EZR: variants seen among roughly 807,000 people sequenced by gnomAD.
EZR encodes the protein ezrin, also known as cytovillin 2.
In EZR, 40 loss-of-function variants were observed where a neutral mutation model predicts 74.8. The ratio of observed to expected loss-of-function variants is 0.53; its 90% CI spans 0.42 to 0.70. EZR has a LOEUF of 0.70. Among genes scored for constraint, EZR ranks in the 30% least tolerant of loss-of-function variants. The probability of loss-of-function intolerance (pLI) is 0.00; values close to 1 mark genes in which losing one functional copy is unlikely to be tolerated. For missense variants in EZR, 678 were observed against 755.8 expected, an observed-to-expected ratio of 0.90 and a Z score of 1.21; for synonymous variants, 341 against 283.3, an observed-to-expected ratio of 1.20 and a Z score of -2.05.
At chr6:158,801,865 G>A (rs374629142) in intron 2 of EZR, among the ~76,000 whole-genome samples, 1 of 152,226 alleles carries the variant, frequency 6.6e-6, no homozygotes, top group Non-Finnish European at 1.5e-5. Context: ...GCAGAGTTCC[G>A]AGTACAGACC....
chr6:158,799,750 G>A (rs1440211061), intron 2 of EZR, among the ~76,000 whole-genome samples: 3 of 152,222 alleles, frequency 2.0e-5, no homozygotes, highest in Non-Finnish European at 2.9e-5. Context: ...ACTCTAATTC[G>A]GTCAAGGCAG....
At chr6:158,814,874 CAGTATT>C (rs1234131020) in intron 2 of EZR, among the ~76,000 whole-genome samples, 1 of 152,098 alleles carries the variant, frequency 6.6e-6, no homozygotes, top group Non-Finnish European at 1.5e-5. Context: ...TTTTGGGAAA[CAGTATT>C]AGGAGAAAAC....
chr6:158,785,418 CAG>C lies in EZR; in HGVS notation c.356_357del (p.Pro119ArgfsTer31). 1 of 1,614,202 alleles carries C rather than the reference CAG, an allele frequency of 6.2e-7. No individual in the cohort carries two copies. The highest frequency in any genetic ancestry group is 8.5e-7 in the Non-Finnish European group (1 of 1,180,024). On this transcript the variant is annotated frameshift_variant, in exon 5 of 14. Transcript: ENST00000367075. LOFTEE classifies it high-confidence loss of function. Reference protein sequence around the residue: ...GILSDEIYCPPETAVLLGSYA... With the variant: ...GILSDEIYCPXETAVLLGSYA... ...TAGGACCCCAAGAGCACGGCAGTCT[CAG>C]GGGGGCAGTAGATCTCATCGCTAAG...
chr6:158,773,645 T>C (rs185948580), intron 8 of EZR, among the ~76,000 whole-genome samples: 9 of 152,100 alleles, frequency 5.9e-5, no homozygotes, highest in Admixed American at 5.9e-4. Flanking sequence ...GCCAGGAAAC[T>C]CTCCCACAAG....
chr6:158,789,362 G>A lies in EZR; in HGVS notation c.22C>T (p.Arg8Ter). The A allele has an allele frequency of 6.2e-7, 1 of 1,613,872 alleles. No individual in the cohort carries two copies. The highest frequency in any genetic ancestry group is 8.5e-7 in the Non-Finnish European group (1 of 1,179,764). Reference sequence around the variant, plus strand: ...AGCTCTGCATCCATGGTGGTAACTCGGACATTGATCTGAAAAACAGAATGA... The same window carrying A: ...AGCTCTGCATCCATGGTGGTAACTCAGACATTGATCTGAAAAACAGAATGA... Reference protein sequence around the residue: MPKPINVRVTTMDAELEF... With the variant: MPKPINV Residue 8 changes from arginine to a stop codon, truncating the protein, a stop_gained, in exon 3 of 14, where the codon CGA (arginine) becomes TGA (stop). Transcript: ENST00000367075. LOFTEE classifies it high-confidence loss of function.
chr6:158,794,236 C>T (rs897466601), intron 2 of EZR, among the ~76,000 whole-genome samples: 35 of 152,176 alleles, frequency 2.3e-4, no homozygotes, highest in African/African-American at 7.2e-4. Context: ...AGCAAGATCG[C>T]GCCACTGCAC....
intron 8 of EZR, among the ~76,000 whole-genome samples, chr6:158,775,712 C>T (rs1013384229): frequency 1.3e-5 from 2 of 152,176 alleles, no homozygotes; most frequent in Admixed American, 6.5e-5. Flanking sequence ...AAATCCTTAC[C>T]CATTCTACAA....
At chr6:158,797,762 T>C (rs1777103802) in intron 2 of EZR, among the ~76,000 whole-genome samples, 1 of 152,256 alleles carries the variant, frequency 6.6e-6, no homozygotes, top group Non-Finnish European at 1.5e-5. Flanking sequence ...AATTGGGTAA[T>C]TATAGAGACA....
chr6:158,818,039 G>A (rs1445723417), intron 2 of EZR, 43 bp downstream of exon 2: 8 of 1,600,712 alleles, frequency 5.0e-6, no homozygotes, highest in Non-Finnish European at 6.8e-6. Flanking sequence ...CCTCTCCAAT[G>A]AAGCCTCTCC....
At chr6:158,793,541 G>A (rs530664989) in intron 2 of EZR, among the ~76,000 whole-genome samples, 1 of 152,298 alleles carries the variant, frequency 6.6e-6, no homozygotes, top group African/African-American at 2.4e-5. Context: ...GGGCATGTCT[G>A]TTACTTGATT....
intron 2 of EZR, among the ~76,000 whole-genome samples, chr6:158,790,582 G>A (rs761058196): frequency 7.5e-4 from 114 of 152,336 alleles, no homozygotes; most frequent in Middle Eastern, 6.8e-3. Context: ...GCTGAGGCAG[G>A]AGAATCGCTT....
At chr6:158,784,623 A>G (rs749635947) in intron 6 of EZR, 21 bp downstream of exon 6, 41 of 1,609,826 alleles carry the variant, frequency 2.5e-5, no homozygotes, top group Non-Finnish European at 3.3e-5. Flanking sequence ...CAAGATCCCA[A>G]CAGCAGGGCA....
In EZR at chr6:158,772,300, C is replaced by T. The variant is rs568327399; in HGVS notation, c.796-893G>A. ...CCAGCTCGTGCAGCACAGACAGCCA[C>T]GTGCGAGCTCCACAGCCTTGAGCAC... On this transcript the variant is annotated intron_variant, in intron 8 of 13. Coordinates refer to ENST00000367075, the MANE Select transcript of EZR (RefSeq NM_001111077.2). Among the ~76,000 whole-genome samples, 23 of 152,378 alleles carry T rather than the reference C, an allele frequency of 1.5e-4. 1 individual carries two copies. The highest frequency in any genetic ancestry group is 5.3e-4 in the African/African-American group (22 of 41,580).
At chr6:158,793,715 C>T (rs1791801756) in intron 2 of EZR, among the ~76,000 whole-genome samples, 1 of 152,162 alleles carries the variant, frequency 6.6e-6, no homozygotes, top group Non-Finnish European at 1.5e-5. Context: ...AAAGCAACCC[C>T]ATCCACACAC....
chr6:158,809,315 T>C (rs996023058), intron 2 of EZR, among the ~76,000 whole-genome samples: 1 of 152,190 alleles, frequency 6.6e-6, no homozygotes, highest in African/African-American at 2.4e-5. Flanking sequence ...ATACAGACTA[T>C]AGTAGATCAA....
At chr6:158,801,904 G>A (rs1428936112) in intron 2 of EZR, among the ~76,000 whole-genome samples, 1 of 152,204 alleles carries the variant, frequency 6.6e-6, no homozygotes, top group East Asian at 1.9e-4. Context: ...ACGTCCTGGG[G>A]CCCATGATGG....
At position 158,785,540 on chromosome 6, in the gene EZR, T is replaced by C; in HGVS notation, c.236A>G (p.Lys79Arg). Reference sequence around the variant, plus strand: ...TTCAGGGTAGAACTTGGCCCGGAACTTGAACTGGAGGGGATTCTCCTTCCT... The same window carrying C: ...TTCAGGGTAGAACTTGGCCCGGAACCTGAACTGGAGGGGATTCTCCTTCCT... ...EVRKENPLQF[K>R]FRAKFYPEDV... Residue 79 changes from lysine (K) to arginine (R), a missense_variant, in exon 5 of 14, where the codon AAG becomes AGG. Transcript: ENST00000367075. 2 of 1,614,140 alleles carry C rather than the reference T, an allele frequency of 1.2e-6. No individual in the cohort carries two copies. The highest frequency in any genetic ancestry group is 2.2e-5 in the South Asian group (2 of 91,074).
chr6:158,784,852 T>C (rs1583568300), intron 5 of EZR, 125 bp from the exon 6 acceptor site: 2 of 748,086 alleles, frequency 2.7e-6, no homozygotes, highest in East Asian at 5.4e-5. Flanking sequence ...CAAAGAGCTT[T>C]GGTTTCTATT....
chr6:158,778,253 C>T (rs1463220882), intron 7 of EZR, among the ~76,000 whole-genome samples: 1 of 152,110 alleles, frequency 6.6e-6, no homozygotes, highest in African/African-American at 2.4e-5. Flanking sequence ...GCTGGGATCC[C>T]CTCTCCGGCT....
Sources: gnomAD v4.1 joint callset for allele counts (sites outside exome capture counted in the v4.1 genomes callset) on GRCh38, gnomAD v4.1.1 for gene constraint, MANE v1.5 for transcripts, NCBI Gene and HGNC (gene_info 2026-07-23, HGNC 2026-07-21) for gene names.